Variants in TENM2 observed in about 807,000 individuals in gnomAD.
The protein encoded by TENM2 is teneurin transmembrane protein 2.
In TENM2, 52 loss-of-function variants were observed where a neutral mutation model predicts 245.2. That is an observed-to-expected ratio of 0.21 (90% CI 0.17 to 0.27). TENM2 has a LOEUF of 0.27. TENM2 is among the 10% of genes least tolerant of loss of function. TENM2 has a pLI of 1.00. For missense variants in TENM2, 3,046 were observed against 3,666.8 expected (o/e 0.83, Z 4.37); for synonymous variants, 1,363 against 1,438.9 (o/e 0.95, Z 1.19).
At chr5:167,644,170 AATTAC>A (rs929618022) in intron 2 of TENM2, among the ~76,000 whole-genome samples, 5 of 152,308 alleles carry the variant, frequency 3.3e-5, no homozygotes, top group African/African-American at 1.2e-4. Context: ...TGGACTCAGA[AATTAC>A]ATTAAAAAAG....
intron 4 of TENM2, among the ~76,000 whole-genome samples, chr5:167,972,953 CTG>C (rs1181635662): frequency 6.6e-6 from 1 of 152,104 alleles, no homozygotes; most frequent in Non-Finnish European, 1.5e-5. Context: ...CATTCCCAGA[CTG>C]TGCTACAGCA....
At chr5:167,519,808 C>T (rs1770632317) in intron 2 of TENM2, among the ~76,000 whole-genome samples, 1 of 152,112 alleles carries the variant, frequency 6.6e-6, no homozygotes, top group Non-Finnish European at 1.5e-5. Context: ...TTTAAACACA[C>T]ACAAACATCT....
intron 2 of TENM2, among the ~76,000 whole-genome samples, chr5:167,535,611 G>A (rs1304386166): frequency 1.3e-5 from 2 of 152,126 alleles, no homozygotes; most frequent in Non-Finnish European, 2.9e-5. Context: ...AAAGGGCTGG[G>A]GGAAACTAGC....
intron 5 of TENM2, among the ~76,000 whole-genome samples, chr5:168,025,303 G>A (rs1282578141): frequency 2.0e-5 from 3 of 152,208 alleles, no homozygotes; most frequent in Non-Finnish European, 4.4e-5. Context: ...CCATGCTAAT[G>A]GCATGATTTG....
intron 19 of TENM2, among the ~76,000 whole-genome samples, chr5:168,205,169 A>G (rs1470554768): frequency 2.0e-5 from 3 of 152,198 alleles, no homozygotes; most frequent in African/African-American, 7.2e-5. Context: ...GCTCTTAGAC[A>G]TGCTCTTGCC....
At chr5:167,273,404 A>G in the TENM2 span, among the ~76,000 whole-genome samples, 12 of 152,114 alleles carry the variant, frequency 7.9e-5, no homozygotes, top group African/African-American at 2.9e-4. Context: ...CTTCAAGGCA[A>G]TTTTAATTAC....
chr5:167,284,838 A>G, exon 1 of TENM2: 1 of 1,550,320 alleles, frequency 6.5e-7, no homozygotes, highest in Non-Finnish European at 8.7e-7. Context: ...ATCTGGAATA[A>G]TGGATGTAAA....
In TENM2 at chr5:168,032,042, A is replaced by G. The variant is rs1254739444; in HGVS notation, c.1187-15385A>G. Among the ~76,000 whole-genome samples, 10 of 152,310 alleles carry G rather than the reference A, an allele frequency of 6.6e-5. No homozygotes were observed. In the East Asian group the frequency reaches 1.7e-3, roughly 26 times the overall value. ...CTTTCTTTTTTCTGCCACTTTCAGTATAAGAGACAGAAAGCATTGTAGTCA... is the reference window on the plus strand; with the variant it reads ...CTTTCTTTTTTCTGCCACTTTCAGTGTAAGAGACAGAAAGCATTGTAGTCA... On this transcript the variant is annotated intron_variant, in intron 5 of 28. Coordinates refer to ENST00000518659, the Ensembl canonical transcript of TENM2.
intron 5 of TENM2, among the ~76,000 whole-genome samples, chr5:168,027,070 G>A (rs1022169154): frequency 3.9e-5 from 6 of 152,008 alleles, no homozygotes; most frequent in African/African-American, 1.2e-4. Context: ...TGGACTAGGC[G>A]CTTGCATGTG....
the TENM2 span, among the ~76,000 whole-genome samples, chr5:167,172,042 T>A: frequency 6.6e-6 from 1 of 152,190 alleles, no homozygotes; most frequent in Non-Finnish European, 1.5e-5. Flanking sequence ...TAGGGTAACC[T>A]CTATACCATC....
At chr5:167,144,729 T>C in the TENM2 span, among the ~76,000 whole-genome samples, 1 of 152,200 alleles carries the variant, frequency 6.6e-6, no homozygotes, top group Admixed American at 6.5e-5. Context: ...CAGAGTTGAC[T>C]TTTGCCTCTT....
the TENM2 span, among the ~76,000 whole-genome samples, chr5:167,271,301 A>C: frequency 6.6e-6 from 1 of 152,038 alleles, no homozygotes; most frequent in East Asian, 1.9e-4. Context: ...GCACATAGGA[A>C]AATGGGAGGA....
rs78332340 is a variant in TENM2 at position 167,528,196 on chromosome 5, G to A, written c.502+152723G>A. 4.9e-3 allele frequency among the ~76,000 whole-genome samples: 740 copies of A among 152,268 alleles called. 5 individuals carry two copies. The highest frequency in any genetic ancestry group is 0.017 in the African/African-American group (690 of 41,560). Reference sequence around the variant, plus strand: ...CTGAATGATGCAGTGTGACAGTCGTGTGCAATAATGGGAAATGTATTCATC... The same window carrying A: ...CTGAATGATGCAGTGTGACAGTCGTATGCAATAATGGGAAATGTATTCATC... On this transcript the variant is annotated intron_variant, in intron 2 of 28. Transcript: ENST00000518659.
chr5:167,722,698 A>T (rs1582840902), intron 2 of TENM2, among the ~76,000 whole-genome samples: 1 of 151,832 alleles, frequency 6.6e-6, no homozygotes, highest in Non-Finnish European at 1.5e-5. Flanking sequence ...AATTGCTTGA[A>T]CCCGGGACAA....
chr5:167,095,029 G>A, the TENM2 span, among the ~76,000 whole-genome samples: 5 of 152,192 alleles, frequency 3.3e-5, no homozygotes, highest in African/African-American at 9.7e-5. Context: ...TGTATGGTTA[G>A]AAAAGTACAT....
intron 1 of TENM2, among the ~76,000 whole-genome samples, chr5:167,352,759 G>T (rs1759004471): frequency 6.6e-6 from 1 of 152,218 alleles, no homozygotes; most frequent in Non-Finnish European, 1.5e-5. Flanking sequence ...GTGAGGTTGT[G>T]TAGTGAAACT....
intron 2 of TENM2, among the ~76,000 whole-genome samples, chr5:167,463,139 T>C (rs762183439): frequency 6.6e-6 from 1 of 152,242 alleles, no homozygotes; most frequent in Non-Finnish European, 1.5e-5. Flanking sequence ...TTATATTTCC[T>C]AGTTCAGTAT....
chr5:167,479,022 TTATG>T (rs960918678), intron 2 of TENM2, among the ~76,000 whole-genome samples: 45 of 151,794 alleles, frequency 3.0e-4, no homozygotes, highest in African/African-American at 6.8e-4. Context: ...GTACATGTGT[TTATG>T]TGTGTGTGTA....
chr5:168,149,975 A>G (rs925782988), intron 12 of TENM2, among the ~76,000 whole-genome samples: 1 of 152,156 alleles, frequency 6.6e-6, no homozygotes, highest in Non-Finnish European at 1.5e-5. Context: ...TGCTCAAACA[A>G]CTTATCATCA....
Sources: gnomAD v4.1 joint callset for allele counts (sites outside exome capture counted in the v4.1 genomes callset) on GRCh38, gnomAD v4.1.1 for gene constraint, MANE v1.5 for transcripts, NCBI Gene and HGNC (gene_info 2026-07-23, HGNC 2026-07-21) for gene names.